Variants in B4GALNT4 observed in about 807,000 individuals in gnomAD.
B4GALNT4 encodes N-acetyl-beta-glucosaminyl-glycoprotein 4-beta-N-acetylgalactosaminyltransferase 1.
A neutral mutation model predicts 110.0 loss-of-function variants in B4GALNT4; 77 were observed. The observed-to-expected ratio is 0.70, with a 90% CI of 0.58 to 0.85. The LOEUF (loss-of-function observed/expected upper bound fraction) is 0.85. Among genes scored for constraint, B4GALNT4 ranks in the 40% least tolerant of loss-of-function variants. The probability of loss-of-function intolerance (pLI) is 0.00; values close to 1 mark genes in which losing one functional copy is unlikely to be tolerated. For missense variants in B4GALNT4, 1,575 were observed against 1,506.0 expected (o/e 1.05, Z -0.76); for synonymous variants, 785 against 655.5 (o/e 1.20, Z -3.02).
Position 380,166 on chromosome 11 carries a change from C to T in B4GALNT4, c.2679C>T (p.Arg893=). 6.2e-7 allele frequency: 1 copy of T among 1,603,874 alleles called. No individual in the cohort carries two copies. The highest frequency in any genetic ancestry group is 1.1e-5 in the South Asian group (1 of 90,450). The change falls in exon 17 of 20, where the codon CGC becomes CGT. Residue 893 remains arginine (R), a synonymous_variant. Transcript: ENST00000329962. ...QYLRRTGNFE[R]SAGLQAGVDA... ...TGAGACGAACCGGGAACTTCGAGCGCTCCGCCGGGCTGCAGGCGGGAGTGG... is the reference window on the plus strand; with the variant it reads ...TGAGACGAACCGGGAACTTCGAGCGTTCCGCCGGGCTGCAGGCGGGAGTGG...
chr11:375,144 GAGGGAGGAGGAAGGGAGGGAGGTGGA>G (rs1846713162), intron 8 of B4GALNT4, among the ~76,000 whole-genome samples: 1 of 45,992 alleles, frequency 2.2e-5, no homozygotes, highest in Non-Finnish European at 4.5e-5. Flanking sequence ...AGGAGGAAGG[GAGGGAGGAGGAAGGGAGGGAGGTGGA>G]AGGGAGGGAG....
At chr11:380,056 C>T (rs751847729) in intron 16 of B4GALNT4, 37 bp downstream of exon 16, 62 of 1,602,750 alleles carry the variant, frequency 3.9e-5, no homozygotes, top group Non-Finnish European at 5.1e-5. Context: ...GGACCCAGCG[C>T]AGCTTTCCTC....
At position 376,722 on chromosome 11, in the gene B4GALNT4, A is replaced by G; in HGVS notation, c.1599A>G (p.Gly533=). 1 of 1,404,450 alleles carries G rather than the reference A, an allele frequency of 7.1e-7. No homozygotes were observed. Among genetic ancestry groups the G allele is most frequent in the East Asian group, 3.2e-5 (1 of 31,196 alleles). The allele number at this position is 1,404,450 out of a possible 1,614,324, so 87.0% of individuals were successfully genotyped here. A position where few individuals can be genotyped will look rare whatever the true frequency, so the allele number is the denominator to read the frequency against. ...TGTACGTGACCAGGGTGCGGCCGGG[A>G]CAGCGGGCATCCCCCCGGGCCCCAG... ...PKVYVTRVRP[G]QRASPRAPAP... is the part of the protein sequence containing the mutation. Residue 533 remains glycine, a synonymous_variant, in exon 14 of 20, where the codon GGA becomes GGG. Coordinates refer to ENST00000329962, the MANE Select transcript of B4GALNT4 (RefSeq NM_178537.5).
At chr11:378,212 A>G (rs921111369) in intron 14 of B4GALNT4, among the ~76,000 whole-genome samples, 5 of 151,816 alleles carry the variant, frequency 3.3e-5, no homozygotes, top group African/African-American at 9.7e-5. Context: ...TCTTGTGTGC[A>G]TGATGGAAGG....
At position 372,135 on chromosome 11, in the gene B4GALNT4, G is replaced by T; in HGVS notation, c.178G>T (p.Asp60Tyr). ...RDGEKLTSET[D>Y]GRGVHAAPST... is the part of the protein sequence containing the mutation. ...TGGTGAGAAGCTGACCAGTGAGACC[G>T]ACGGCCGGGGGGTCCACGCTGCGCC... Residue 60 changes from aspartate (D) to tyrosine (Y), a missense_variant, in exon 2 of 20, where the codon GAC becomes TAC. Asp to Tyr is a radical substitution (Grantham distance 160). Coordinates refer to ENST00000329962, the MANE Select transcript of B4GALNT4 (RefSeq NM_178537.5). The T allele has an allele frequency of 6.5e-7, 1 of 1,549,690 alleles. No individual in the cohort carries two copies. Among genetic ancestry groups the T allele is most frequent in the South Asian group, 1.2e-5 (1 of 84,020 alleles).
rs754647961 is a variant in B4GALNT4 at position 375,744 on chromosome 11, G to A, written c.956G>A (p.Arg319Gln). The stretch of plus-strand genomic sequence containing the variant: ...GAGGAGACCAGCGCAGACATGCTGC[G>A]GCCAGATCCCAGGGATACCTTTTTC... ...PQEETSADML[R>Q]PDPRDTFFLT... The change falls in exon 10 of 20, where the codon CGG becomes CAG. Residue 319 changes from arginine (R) to glutamine (Q), a missense_variant. Coordinates refer to ENST00000329962, the MANE Select transcript of B4GALNT4 (RefSeq NM_178537.5). 2.4e-5 allele frequency: 38 copies of A among 1,596,210 alleles called. 1 individual carries two copies. The Admixed American group carries it at 6.0e-4, about 25-fold the overall frequency.
rs552490848 is a variant in B4GALNT4, at chr11:373,136, C to T, written c.535+20C>T. ...GGGACGGTACGGGGGTGAGGGTGCC[C>T]CGGGGGAGGGGTGCCGTGAGGCTCC... On this transcript the variant is annotated intron_variant, in intron 5 of 19. Transcript: ENST00000329962. 1 of 1,612,334 alleles carries T rather than the reference C, an allele frequency of 6.2e-7. No individual in the cohort carries two copies. Among genetic ancestry groups the T allele is most frequent in the Admixed American group, 1.7e-5 (1 of 59,980 alleles).
At position 376,641 on chromosome 11, in the gene B4GALNT4, C is replaced by T. The variant is rs1423508748; in HGVS notation, c.1518C>T (p.Leu506=). ...CCAGGGCCGCCCGCCCTTTGCCGCT[C>T]TTCTTGGGCCGAGCTCCGCCCCCGC... ...WAARAARPLP[L]FLGRAPPPRP... Residue 506 remains leucine (L), a synonymous_variant, in exon 14 of 20, where the codon CTC becomes CTT. Transcript: ENST00000329962. 1.2e-5 allele frequency: 17 copies of T among 1,425,130 alleles called. No individual in the cohort carries two copies. Among genetic ancestry groups the T allele is most frequent in the Non-Finnish European group, 1.4e-5 (15 of 1,091,354 alleles). 88.3% of individuals were successfully genotyped at this position (1,425,130 alleles called of 1,614,324 possible). A position where few individuals can be genotyped will look rare whatever the true frequency, so the allele number is the denominator to read the frequency against.
chr11:381,972 C>A lies in B4GALNT4; in HGVS notation c.*180C>A, dbSNP rs566880505. 1.5e-6 allele frequency: 1 copy of A among 652,128 alleles called. No individual in the cohort carries two copies. The highest frequency in any genetic ancestry group is 2.3e-6 in the Non-Finnish European group (1 of 429,998). 40.4% of individuals were successfully genotyped at this position (652,128 alleles called of 1,614,324 possible). ...CTCCCCGGAGAGGCAGCCTTCACGG[C>A]GGGTCAGGGCCTGGCCTTGGTCCCC... is the stretch of plus-strand genomic sequence containing the variant. On this transcript the variant is annotated 3_prime_UTR_variant, in exon 20 of 20. Transcript: ENST00000329962.
chr11:377,890 G>A (rs969635355), intron 14 of B4GALNT4, among the ~76,000 whole-genome samples: 3 of 152,234 alleles, frequency 2.0e-5, no homozygotes, highest in African/African-American at 7.2e-5. Flanking sequence ...CCTGCAGGCT[G>A]GTGGGCAGGA....
At chr11:371,827 G>C (rs1846623278) in intron 1 of B4GALNT4, among the ~76,000 whole-genome samples, 1 of 152,236 alleles carries the variant, frequency 6.6e-6, no homozygotes, top group Admixed American at 6.5e-5. Flanking sequence ...GGCCCACCCG[G>C]CTTTCCTCCC....
chr11:380,692 G>T (rs1217310132), intron 18 of B4GALNT4, 133 bp from the exon 19 acceptor site: 1 of 1,454,584 alleles, frequency 6.9e-7, no homozygotes, highest in Admixed American at 1.7e-5. Flanking sequence ...AGTACCACCG[G>T]ACGACTCCCG....
Position 375,885 on chromosome 11 carries a change from G to A in B4GALNT4, c.1024G>A (p.Glu342Lys). ...ATCTTCGAGCCTGGAGAACGTGCTG[G>A]AGCCCTGCGCCTACGCCCCCACCTA... Reference protein sequence around the residue: ...MESSSLENVLEPCAYAPTYVV... With the variant: ...MESSSLENVLKPCAYAPTYVV... Residue 342 changes from glutamate (E) to lysine (K), a missense_variant, in exon 11 of 20, where the codon GAG becomes AAG. By Grantham distance (56) the Glu-to-Lys change is moderately conservative. Coordinates refer to ENST00000329962, the MANE Select transcript of B4GALNT4 (RefSeq NM_178537.5). 6.2e-7 allele frequency: 1 copy of A among 1,611,714 alleles called. No homozygotes were observed. Among genetic ancestry groups the A allele is most frequent in the Non-Finnish European group, 8.5e-7 (1 of 1,179,496 alleles).
At position 373,274 on chromosome 11, in the gene B4GALNT4, G is replaced by A. The variant is rs368485264; in HGVS notation, c.619G>A (p.Val207Met). 1.2e-6 allele frequency: 2 copies of A among 1,609,648 alleles called. No individual in the cohort carries two copies. The highest frequency in any genetic ancestry group is 8.5e-7 in the Non-Finnish European group (1 of 1,177,594). ...LDESPAAAQL[V>M]AFVGKTGSEW... is the part of the protein sequence containing the mutation. ...CGAGAGCCCTGCTGCTGCCCAGCTTGTGGCCTTTGTGGGCAAGGTACCCCC... is the reference window on the plus strand; with the variant it reads ...CGAGAGCCCTGCTGCTGCCCAGCTTATGGCCTTTGTGGGCAAGGTACCCCC... The change falls in exon 6 of 20, where the codon GTG becomes ATG. Residue 207 changes from valine (V) to methionine (M), a missense_variant. By Grantham distance (21) the Val-to-Met change is conservative (BLOSUM62 1). Transcript: ENST00000329962.
In B4GALNT4 at chr11:376,418, C is replaced by A; in HGVS notation, c.1298-3C>A. On this transcript the variant is annotated splice_polypyrimidine_tract_variant and splice_region_variant and intron_variant, in intron 13 of 19. Coordinates refer to ENST00000329962, the MANE Select transcript of B4GALNT4 (RefSeq NM_178537.5). ...GGGAGCTTCTAACCCGCGTTTCCCGCAGACTTCCTGGACGACGAGGACGAG... is the reference window on the plus strand; with the variant it reads ...GGGAGCTTCTAACCCGCGTTTCCCGAAGACTTCCTGGACGACGAGGACGAG... The A allele has an allele frequency of 1.2e-6, 2 of 1,600,332 alleles. No homozygotes were observed. Among genetic ancestry groups the A allele is most frequent in the African/African-American group, 1.3e-5 (1 of 74,938 alleles).
rs1371807138 is a variant in B4GALNT4, at chr11:379,515, G to A, written c.2302G>A (p.Gly768Ser). 1 of 1,578,728 alleles carries A rather than the reference G, an allele frequency of 6.3e-7. No individual in the cohort carries two copies. Among genetic ancestry groups the A allele is most frequent in the Admixed American group, 1.8e-5 (1 of 54,874 alleles). ...GGAGCTGGAGCTGCAGGAGCGCGGG[G>A]GCGGCCGCCTGCGACTGTCCGAGTA... The part of the protein sequence containing the change: ...LLELELQERG[G>S]GRLRLSEYVF... Residue 768 changes from glycine to serine, a missense_variant, in exon 15 of 20, where the codon GGC (glycine) becomes AGC (serine). Physicochemically the swap from Gly to Ser is moderately conservative, Grantham distance 56. Coordinates refer to ENST00000329962, the MANE Select transcript of B4GALNT4 (RefSeq NM_178537.5).
chr11:380,583 C>T, intron 18 of B4GALNT4, 138 bp downstream of exon 18: 1 of 1,338,832 alleles, frequency 7.5e-7, no homozygotes, highest in Non-Finnish European at 1.0e-6. Flanking sequence ...GCCCAGAGCC[C>T]CAGTCCCCCC....
At position 376,159 on chromosome 11, in the gene B4GALNT4, C is replaced by G; in HGVS notation, c.1181C>G (p.Pro394Arg). 1 of 1,403,016 alleles carries G rather than the reference C, an allele frequency of 7.1e-7. No homozygotes were observed. Among genetic ancestry groups the G allele is most frequent in the Non-Finnish European group, 9.5e-7 (1 of 1,048,082 alleles). 86.9% of individuals were successfully genotyped at this position (1,403,016 alleles called of 1,614,324 possible). ...TDNKCFYRESPLYLERFGFYK... is the reference protein window; with the variant it reads ...TDNKCFYRESRLYLERFGFYK... The stretch of plus-strand genomic sequence containing the variant: ...AACAAGTGCTTCTACCGCGAGTCTC[C>G]GCTGTATCTGGAGAGGTGGGCGCGC... Residue 394 changes from proline to arginine, a missense_variant, in exon 12 of 20, where the codon CCG becomes CGG. Physicochemically the swap from Pro to Arg is moderately radical, Grantham distance 103. Coordinates refer to ENST00000329962, the MANE Select transcript of B4GALNT4 (RefSeq NM_178537.5).
intron 6 of B4GALNT4, 33 bp from the exon 7 acceptor site, chr11:373,416 C>T (rs754289984): frequency 1.8e-6 from 2 of 1,102,348 alleles, no homozygotes; most frequent in Admixed American, 1.9e-5. Flanking sequence ...GAACCCCCCC[C>T]CCCACCACCA....
Sources: allele counts gnomAD v4.1 joint callset (sites outside exome capture counted in the v4.1 genomes callset), GRCh38; gene constraint gnomAD v4.1.1; transcripts MANE v1.5; gene names NCBI Gene and HGNC (gene_info 2026-07-23, HGNC 2026-07-21).